PCDH15: variants seen among roughly 807,000 people sequenced by gnomAD.
PCDH15 encodes the protein protocadherin-15.
In PCDH15, 129 loss-of-function variants were observed where a neutral mutation model predicts 178.5. That is an observed-to-expected ratio of 0.72 (90% CI 0.63 to 0.84). The LOEUF (loss-of-function observed/expected upper bound fraction) is 0.84, where lower values mean the gene tolerates loss of function less well. Among genes scored for constraint, PCDH15 ranks in the 40% least tolerant of loss-of-function variants. The pLI, the probability that PCDH15 is intolerant of heterozygous loss-of-function variation, is 0.00. For missense variants in PCDH15, 2,230 were observed against 2,099.9 expected (o/e 1.06, Z -1.21); for synonymous variants, 800 against 732.0 (o/e 1.09, Z -1.50).
chr10:54,908,863 G>C (rs1954771288), intron 2 of PCDH15, among the ~76,000 whole-genome samples: 1 of 152,022 alleles, frequency 6.6e-6, no homozygotes, highest in South Asian at 2.1e-4. Context: ...TCTCAGGGGA[G>C]AGGGTAGCTC....
intron 1 of PCDH15, among the ~76,000 whole-genome samples, chr10:54,788,668 G>A (rs1374520101): frequency 1.3e-5 from 2 of 151,688 alleles, no homozygotes; most frequent in African/African-American, 4.8e-5. Flanking sequence ...TAAACAAAAG[G>A]TGAAAGTTAT....
chr10:54,570,426 G>A (rs1426739383), intron 2 of PCDH15, among the ~76,000 whole-genome samples: 1 of 152,058 alleles, frequency 6.6e-6, no homozygotes, highest in African/African-American at 2.4e-5. Context: ...TTAATTGAGA[G>A]AATTGCTATG....
At chr10:55,363,603 A>T (rs1845281662) in intron 2 of PCDH15, among the ~76,000 whole-genome samples, 1 of 152,048 alleles carries the variant, frequency 6.6e-6, no homozygotes, top group African/African-American at 2.4e-5. Context: ...CCTTGAACTT[A>T]TTTGATACGT....
chr10:54,806,577 G>A (rs1241247364), intron 3 of PCDH15, among the ~76,000 whole-genome samples: 2 of 150,618 alleles, frequency 1.3e-5, no homozygotes, highest in Admixed American at 6.6e-5. Context: ...TTTGCCTCCC[G>A]GGTTCGAGCA....
At chr10:55,141,862 T>TG (rs1342140094) in intron 2 of PCDH15, among the ~76,000 whole-genome samples, 4 of 151,146 alleles carry the variant, frequency 2.6e-5, no homozygotes, top group African/African-American at 4.9e-5. Context: ...AGGTTTATTA[T>TG]TTTTTTTTAC....
chr10:55,291,437 A>G (rs1045301254), intron 1 of PCDH15, among the ~76,000 whole-genome samples: 2 of 152,218 alleles, frequency 1.3e-5, no homozygotes, highest in Non-Finnish European at 2.9e-5. Context: ...GTTTCAAGAA[A>G]ATACATTCTT....
chr10:55,295,659 A>G (rs1843114371), intron 1 of PCDH15, among the ~76,000 whole-genome samples: 1 of 152,166 alleles, frequency 6.6e-6, no homozygotes, highest in Non-Finnish European at 1.5e-5. Context: ...CCTTCTTTTA[A>G]CTTATCTCCA....
rs962847822 is a variant in PCDH15, at chr10:53,827,429, C to A, written c.4331G>T (p.Gly1444Val). 1 of 1,612,916 alleles carries A rather than the reference C, an allele frequency of 6.2e-7. No individual in the cohort carries two copies. ...TCCAAGTTCTTCATAGAGATGCGCACCTGGCGGAGGCGGCGGCGGCGGCGG... is the reference window on the plus strand; with the variant it reads ...TCCAAGTTCTTCATAGAGATGCGCAACTGGCGGAGGCGGCGGCGGCGGCGG... ...APPPPPPPPP[G>V]AHLYEELGDS... Residue 1444 changes from glycine (G) to valine (V), a missense_variant, in exon 32 of 38, where the codon GGT becomes GTT. By Grantham distance (109) the Gly-to-Val change is moderately radical. Coordinates refer to ENST00000644397, the MANE Select transcript of PCDH15 (RefSeq NM_001384140.1).
At chr10:53,826,834 A>G (rs2076713421) in intron 32 of PCDH15, among the ~76,000 whole-genome samples, 1 of 152,142 alleles carries the variant, frequency 6.6e-6, no homozygotes, top group South Asian at 2.1e-4. Flanking sequence ...TGGGAATTTA[A>G]TATAGAAATT....
intron 2 of PCDH15, among the ~76,000 whole-genome samples, chr10:55,508,938 C>CCAAAG (rs1183945556): frequency 4.0e-5 from 6 of 151,236 alleles, no homozygotes; most frequent in Non-Finnish European, 8.9e-5. Flanking sequence ...GTCCAAATAA[C>CCAAAG]CAAAGCAAAG....
At chr10:54,993,481 A>C (rs1449188032) in intron 2 of PCDH15, among the ~76,000 whole-genome samples, 1 of 152,172 alleles carries the variant, frequency 6.6e-6, no homozygotes, top group Non-Finnish European at 1.5e-5. Flanking sequence ...AACATCAGGA[A>C]ATCTTGTAGA....
chr10:53,999,871 TG>T (rs1485305710), intron 20 of PCDH15, among the ~76,000 whole-genome samples: 4 of 152,120 alleles, frequency 2.6e-5, no homozygotes, highest in African/African-American at 4.8e-5. Flanking sequence ...GTAGCCAGGG[TG>T]GTTACAGCAG....
At chr10:54,462,501 C>CTTTTCTTTTTT (rs2077234609) in intron 3 of PCDH15, among the ~76,000 whole-genome samples, 2 of 107,904 alleles carry the variant, frequency 1.9e-5, no homozygotes, top group African/African-American at 9.0e-5. Flanking sequence ...TTTTCTTTTT[C>CTTTTCTTTTTT]TTTTTCTTTT....
chr10:55,599,847 T>C (rs1843031702), intron 2 of PCDH15: 7 of 1,216,272 alleles, frequency 5.8e-6, no homozygotes. Flanking sequence ...TGCGGTATCC[T>C]GAACTTGCAA....
chr10:54,445,996 A>T (rs1481787542), intron 3 of PCDH15, among the ~76,000 whole-genome samples: 1 of 151,372 alleles, frequency 6.6e-6, no homozygotes, highest in African/African-American at 2.4e-5. Flanking sequence ...TCTGATGATC[A>T]GGTCTCTCAT....
chr10:55,604,718 C>G (rs11004930), intron 2 of PCDH15, among the ~76,000 whole-genome samples: 41,552 of 134,742 alleles, frequency 0.31, 5,441 homozygotes, highest in East Asian at 0.46. Context: ...ACACAACATA[C>G]CAGAATCTCT....
At chr10:54,408,164 T>A (rs1225072066) in intron 3 of PCDH15, among the ~76,000 whole-genome samples, 4 of 149,918 alleles carry the variant, frequency 2.7e-5, no homozygotes, top group African/African-American at 7.4e-5. Context: ...TAGCTGTTTT[T>A]TTAAAAAAAA....
chr10:54,939,697 G>A (rs1301007929), intron 2 of PCDH15, among the ~76,000 whole-genome samples: 1 of 151,864 alleles, frequency 6.6e-6, no homozygotes, highest in African/African-American at 2.4e-5. Flanking sequence ...AAAATGTGTT[G>A]GTCACAGTTC....
At chr10:54,077,798 C>T (rs143425295) in intron 17 of PCDH15, among the ~76,000 whole-genome samples, 1 of 152,296 alleles carries the variant, frequency 6.6e-6, no homozygotes, top group African/African-American at 2.4e-5. Flanking sequence ...CGCAGTGGCT[C>T]ACGCCTGTAA....
Sources: allele counts gnomAD v4.1 joint callset (sites outside exome capture counted in the v4.1 genomes callset), GRCh38; gene constraint gnomAD v4.1.1; transcripts MANE v1.5; gene names NCBI Gene and HGNC (gene_info 2026-07-23, HGNC 2026-07-21).